Variants in KSR1 observed in about 807,000 individuals in gnomAD.
The protein encoded by KSR1 is kinase suppressor of ras.
In KSR1, 35 loss-of-function variants were observed where a neutral mutation model predicts 92.9. The observed-to-expected ratio is 0.38, with a 90% CI of 0.29 to 0.50. The LOEUF (loss-of-function observed/expected upper bound fraction) is 0.50. KSR1 is among the 20% of genes least tolerant of loss of function. KSR1 has a pLI of 0.94. For missense variants in KSR1, 972 were observed against 1,158.5 expected (o/e 0.84, Z 2.34); for synonymous variants, 467 against 472.6 (o/e 0.99, Z 0.15).
chr17:27,574,697 G>A (rs1028796082), intron 2 of KSR1, among the ~76,000 whole-genome samples: 12 of 152,164 alleles, frequency 7.9e-5, no homozygotes, highest in African/African-American at 2.9e-4. Flanking sequence ...AGGAATTACA[G>A]CATGTAAATG....
rs574794495 is a variant in KSR1 at position 27,566,542 on chromosome 17, G to A, written c.373-10950G>A. Reference sequence around the variant, plus strand: ...CTGGGGATGCCAAGAGAAGCCCGAGGCGTGAGCCCACCTGGGCTGGAGGAT... The same window carrying A: ...CTGGGGATGCCAAGAGAAGCCCGAGACGTGAGCCCACCTGGGCTGGAGGAT... On this transcript the variant is annotated intron_variant, in intron 2 of 20. Transcript: ENST00000644974. 7 of 399,160 alleles carry A rather than the reference G, an allele frequency of 1.8e-5. No homozygotes were observed. The Admixed American group carries it at 2.2e-4, about 13-fold the overall frequency. 24.7% of individuals were successfully genotyped at this position (399,160 alleles called of 1,614,324 possible).
chr17:27,493,165 A>G (rs558433210), intron 1 of KSR1, among the ~76,000 whole-genome samples: 3 of 152,338 alleles, frequency 2.0e-5, no homozygotes, highest in Middle Eastern at 3.4e-3. Flanking sequence ...GTGAAACCCT[A>G]TGAAGCAATA....
chr17:27,540,473 C>T (rs768157636), intron 1 of KSR1, among the ~76,000 whole-genome samples: 2 of 152,190 alleles, frequency 1.3e-5, no homozygotes, highest in Admixed American at 6.5e-5. Flanking sequence ...TTGAAGTTCC[C>T]CGACTCTGAG....
Position 27,588,490 on chromosome 17 carries a change from C to T in KSR1, c.1001C>T (p.Ser334Phe), listed in dbSNP as rs1388549133. Reference sequence around the variant, plus strand: ...TTCCCTGCAGATCTCTCGCATGGATCCCCACAGATGGTACGGAGGGATATC... The same window carrying T: ...TTCCCTGCAGATCTCTCGCATGGATTCCCACAGATGGTACGGAGGGATATC... Reference protein sequence around the residue: ...SSMRFDLSHGSPQMVRRDIGL... With the variant: ...SSMRFDLSHGFPQMVRRDIGL... The change falls in exon 6 of 21, where the codon TCC becomes TTC. Residue 334 changes from serine (S) to phenylalanine (F), a missense_variant. Physicochemically the swap from Ser to Phe is radical, Grantham distance 155 (BLOSUM62 -2). Transcript: ENST00000644974. 6.3e-6 allele frequency: 10 copies of T among 1,587,964 alleles called. No individual in the cohort carries two copies. The highest frequency in any genetic ancestry group is 7.7e-6 in the Non-Finnish European group (9 of 1,167,430).
chr17:27,623,001 G>A (rs2074266559), intron 20 of KSR1: 1 of 407,228 alleles, frequency 2.5e-6, no homozygotes, highest in Admixed American at 4.4e-5. Flanking sequence ...TCTACTTGGA[G>A]CAAGAGCTTT....
At chr17:27,611,363 C>G in intron 17 of KSR1, 131 bp from the exon 18 acceptor site, 2 of 1,208,212 alleles carry the variant, frequency 1.7e-6, no homozygotes, top group South Asian at 3.0e-5. Context: ...TGTAGCATCC[C>G]CTGAAGCCAA....
intron 17 of KSR1, 61 bp downstream of exon 17, chr17:27,610,259 A>T: frequency 6.2e-7 from 1 of 1,607,694 alleles, no homozygotes; most frequent in Non-Finnish European, 8.5e-7. Flanking sequence ...CCTGGTGGCC[A>T]TTGGGGGCAG....
chr17:27,559,720 G>A lies in KSR1; in HGVS notation c.372+9012G>A, dbSNP rs1188855598. 6.6e-6 allele frequency among the ~76,000 whole-genome samples: 1 copy of A among 152,220 alleles called. No individual in the cohort carries two copies. The highest frequency in any genetic ancestry group is 1.5e-5 in the Non-Finnish European group (1 of 68,036). On this transcript the variant is annotated intron_variant, in intron 2 of 20. Transcript: ENST00000644974. The surrounding 1 kb of genome is among the most constrained non-coding windows in gnomAD (Gnocchi z 4.2). ...GGAGCCAGTGGGCCAACTCATCCTG[G>A]GTAGTCAGGGAAAGACGGATGTCCG...
intron 1 of KSR1, among the ~76,000 whole-genome samples, chr17:27,503,176 T>A (rs1489731031): frequency 4.6e-5 from 7 of 152,248 alleles, no homozygotes; most frequent in African/African-American, 1.7e-4. Context: ...ATAAAGAGTA[T>A]ACTTCTTGTA....
At chr17:27,501,906 G>A (rs1331625415) in intron 1 of KSR1, among the ~76,000 whole-genome samples, 4 of 152,210 alleles carry the variant, frequency 2.6e-5, no homozygotes, top group South Asian at 2.1e-4. Flanking sequence ...GAAACATTTC[G>A]AGGTAAAGGA....
chr17:27,526,093 T>TC (rs1491104725), intron 1 of KSR1, among the ~76,000 whole-genome samples: 59 of 87,426 alleles, frequency 6.7e-4, no homozygotes, highest in African/African-American at 1.5e-3. Flanking sequence ...TCTTTCTTTC[T>TC]TTCTCTCTCT....
At chr17:27,526,582 T>C (rs1405715187) in intron 1 of KSR1, 1 of 1,592,574 alleles carries the variant, frequency 6.3e-7, no homozygotes, top group Non-Finnish European at 8.6e-7. Flanking sequence ...TTGTATCAGT[T>C]GCAATTGTAA....
At chr17:27,461,704 G>A (rs2019447790) in intron 1 of KSR1, among the ~76,000 whole-genome samples, 1 of 152,246 alleles carries the variant, frequency 6.6e-6, no homozygotes, top group Admixed American at 6.5e-5. Flanking sequence ...GGGGAGGGCT[G>A]GGTGGTGCTG....
intron 1 of KSR1, among the ~76,000 whole-genome samples, chr17:27,547,109 C>T (rs1460463668): frequency 1.3e-5 from 2 of 152,202 alleles, no homozygotes; most frequent in African/African-American, 2.4e-5. Flanking sequence ...GCCCCTAGTA[C>T]CCTGAAGGGA....
intron 1 of KSR1, among the ~76,000 whole-genome samples, chr17:27,532,714 G>T (rs1039046110): frequency 2.0e-5 from 3 of 152,180 alleles, no homozygotes; most frequent in African/African-American, 4.8e-5. Flanking sequence ...TCTCCCAGGC[G>T]CTGCTTTTCC....
intron 3 of KSR1, among the ~76,000 whole-genome samples, chr17:27,582,011 A>G (rs2072779767): frequency 6.6e-6 from 1 of 152,044 alleles, no homozygotes; most frequent in African/African-American, 2.4e-5. Flanking sequence ...CTTAAAGTGG[A>G]GTTTTTCCTT....
chr17:27,494,089 T>C (rs2068906298), intron 1 of KSR1, among the ~76,000 whole-genome samples: 1 of 151,954 alleles, frequency 6.6e-6, no homozygotes, highest in African/African-American at 2.4e-5. Flanking sequence ...CAGAAATGCT[T>C]GGGGAGTCTC....
At chr17:27,478,383 G>C (rs950061718) in intron 1 of KSR1, among the ~76,000 whole-genome samples, 3 of 152,202 alleles carry the variant, frequency 2.0e-5, no homozygotes, top group African/African-American at 7.2e-5. Context: ...CCTCATCTGA[G>C]GAATGGGGAC....
Position 27,518,565 on chromosome 17 carries a change from G to C in KSR1, c.232-32003G>C, listed in dbSNP as rs183315474. ...GAGTGCCCCCTCTCTACAAGGCACT[G>C]TGTCGGGGAGCTCAGAGCCTGACCT... On this transcript the variant is annotated intron_variant, in intron 1 of 20. Transcript: ENST00000644974. Among the ~76,000 whole-genome samples the C allele has an allele frequency of 7.2e-5, 11 of 152,298 alleles. No individual in the cohort carries two copies. The East Asian group carries it at 2.1e-3, about 29-fold the overall frequency.
Sources: allele counts gnomAD v4.1 joint callset (sites outside exome capture counted in the v4.1 genomes callset), GRCh38; gene constraint gnomAD v4.1.1; non-coding constraint Gnocchi (gnomAD v3.1); transcripts MANE v1.5; gene names NCBI Gene and HGNC (gene_info 2026-07-23, HGNC 2026-07-21).